Variants in SIAH3 observed in about 807,000 individuals in gnomAD.
The protein encoded by SIAH3 is seven in absentia homolog 3.
Under a neutral mutation model 12.6 loss-of-function variants are expected in SIAH3, and 9 were observed. The ratio of observed to expected loss-of-function variants is 0.72; its 90% CI spans 0.43 to 1.25. The LOEUF (loss-of-function observed/expected upper bound fraction) is 1.25. Ranked by LOEUF, SIAH3 falls within the 50% of genes most tolerant of loss-of-function variation. The probability of loss-of-function intolerance (pLI) is 0.00; values close to 1 mark genes in which losing one functional copy is unlikely to be tolerated. For synonymous variants in SIAH3, 154 were observed against 151.1 expected (o/e 1.02, Z -0.14); for missense variants, 390 against 365.4 (o/e 1.07, Z -0.55).
chr13:45,830,907 G>A (rs1009537610), intron 1 of SIAH3, among the ~76,000 whole-genome samples: 8 of 152,140 alleles, frequency 5.3e-5, no homozygotes, highest in African/African-American at 1.7e-4. Flanking sequence ...GGCAGGGCCT[G>A]GTAGCTCACA....
intron 1 of SIAH3, among the ~76,000 whole-genome samples, chr13:45,820,916 C>T (rs1188796438): frequency 1.3e-5 from 2 of 152,184 alleles, no homozygotes; most frequent in Non-Finnish European, 2.9e-5. Context: ...CCAGGAATTT[C>T]CCCACCTCCG....
chr13:45,848,191 C>A (rs1013457599), intron 1 of SIAH3, among the ~76,000 whole-genome samples: 5 of 152,220 alleles, frequency 3.3e-5, no homozygotes, highest in African/African-American at 1.2e-4. Flanking sequence ...CAGAGGGCAG[C>A]TGGCCAAGAG....
At chr13:45,809,335 T>A (rs1950608737) in intron 1 of SIAH3, among the ~76,000 whole-genome samples, 4 of 151,278 alleles carry the variant, frequency 2.6e-5, no homozygotes, top group Admixed American at 2.0e-4. Context: ...CTAGACATGT[T>A]TTTGTGTCCA....
chr13:45,830,566 A>G (rs1950695305), intron 1 of SIAH3, among the ~76,000 whole-genome samples: 1 of 152,198 alleles, frequency 6.6e-6, no homozygotes, highest in Non-Finnish European at 1.5e-5. Context: ...CATCTCAATC[A>G]AGAGGCAACT....
intron 1 of SIAH3, among the ~76,000 whole-genome samples, chr13:45,804,468 T>C (rs1950592155): frequency 6.6e-6 from 1 of 152,154 alleles, no homozygotes; most frequent in African/African-American, 2.4e-5. Context: ...TTTTGGGGTG[T>C]TGAAAACATT....
At chr13:45,826,960 G>C (rs1950680305) in intron 1 of SIAH3, among the ~76,000 whole-genome samples, 1 of 152,174 alleles carries the variant, frequency 6.6e-6, no homozygotes, top group South Asian at 2.1e-4. Context: ...CAGCGGGCTA[G>C]ATTAGTCTCT....
chr13:45,803,519 C>T (rs539546401), intron 1 of SIAH3, among the ~76,000 whole-genome samples: 5 of 152,104 alleles, frequency 3.3e-5, no homozygotes, highest in South Asian at 2.1e-4. Flanking sequence ...TGGAGGAGGT[C>T]GTAAGTGAGC....
Position 45,791,978 on chromosome 13 carries a change from T to C in SIAH3, c.136-7921A>G, listed in dbSNP as rs531818609. 2.0e-5 allele frequency among the ~76,000 whole-genome samples: 3 copies of C among 152,176 alleles called. No individual in the cohort carries two copies. In the South Asian group the frequency reaches 6.2e-4, roughly 32 times the overall value. On this transcript the variant is annotated intron_variant, in intron 1 of 1. Coordinates refer to ENST00000400405, the MANE Select transcript of SIAH3 (RefSeq NM_198849.3). Reference sequence around the variant, plus strand: ...ACTTTAACCCAATCAAAGATTACCATAGCTCCTCCAGCTGTCCCTACCCAT... The same window carrying C: ...ACTTTAACCCAATCAAAGATTACCACAGCTCCTCCAGCTGTCCCTACCCAT...
At chr13:45,851,365 C>T (rs987969269) in intron 1 of SIAH3, 130 bp downstream of exon 1, 1 of 1,255,750 alleles carries the variant, frequency 8.0e-7, no homozygotes, top group Non-Finnish European at 1.1e-6. Context: ...ACGCCGGGTT[C>T]CAGACACCGT....
At chr13:45,834,143 A>G (rs1404653045) in intron 1 of SIAH3, among the ~76,000 whole-genome samples, 1 of 152,216 alleles carries the variant, frequency 6.6e-6, no homozygotes, top group African/African-American at 2.4e-5. Context: ...CAGTCATTAC[A>G]TTCCAAACAA....
At chr13:45,844,717 C>T (rs74072072) in intron 1 of SIAH3, among the ~76,000 whole-genome samples, 3,560 of 152,128 alleles carry the variant, frequency 0.023, 139 homozygotes, top group African/African-American at 0.08. Context: ...CTGAGGAAGC[C>T]GAATATCATT....
At chr13:45,784,680 C>T (rs971361342) in intron 1 of SIAH3, among the ~76,000 whole-genome samples, 7 of 151,556 alleles carry the variant, frequency 4.6e-5, no homozygotes, top group African/African-American at 9.7e-5. Flanking sequence ...GAGACTTTGC[C>T]GCACCAGGCA....
Position 45,781,809 on chromosome 13 carries a change from T to C in SIAH3, c.*1574A>G, listed in dbSNP as rs527891003. 6.6e-6 allele frequency: 1 copy of C among 152,242 alleles called. No homozygotes were observed. Among genetic ancestry groups the C allele is most frequent in the East Asian group, 1.9e-4 (1 of 5,170 alleles). 9.4% of individuals were successfully genotyped at this position (152,242 alleles called of 1,614,324 possible). On this transcript the variant is annotated 3_prime_UTR_variant, in exon 2 of 2. Transcript: ENST00000400405. ...CAGTTATTTTTGGTGGAGAAAAAAT[T>C]GCAGATGGCCAGCCAGGGCAACCTG...
intron 1 of SIAH3, among the ~76,000 whole-genome samples, chr13:45,841,285 T>C (rs553355029): frequency 4.5e-4 from 69 of 152,326 alleles, no homozygotes; most frequent in African/African-American, 1.2e-3. Context: ...CAGTCTCTTG[T>C]AAAATCTGTG....
chr13:45,835,311 G>C (rs1427327585), intron 1 of SIAH3, among the ~76,000 whole-genome samples: 1 of 152,202 alleles, frequency 6.6e-6, no homozygotes, highest in South Asian at 2.1e-4. Flanking sequence ...GTCAAGGTTA[G>C]AGCAGCTGTA....
chr13:45,807,697 A>G (rs1205132579), intron 1 of SIAH3, among the ~76,000 whole-genome samples: 2 of 152,216 alleles, frequency 1.3e-5, no homozygotes, highest in South Asian at 2.1e-4. Flanking sequence ...CAATGACTGG[A>G]CACCAGATGG....
At chr13:45,819,963 C>T (rs537128404) in intron 1 of SIAH3, among the ~76,000 whole-genome samples, 31 of 152,296 alleles carry the variant, frequency 2.0e-4, no homozygotes, top group African/African-American at 7.2e-4. Flanking sequence ...CAGTCTGCCT[C>T]GGAGATGGTG....
intron 1 of SIAH3, among the ~76,000 whole-genome samples, chr13:45,802,315 T>A (rs566504130): frequency 5.7e-4 from 87 of 151,880 alleles, no homozygotes; most frequent in Middle Eastern, 3.4e-3. Context: ...CAACAAAAAA[T>A]AAAAGCAAGA....
At chr13:45,828,676 C>A (rs9316168) in intron 1 of SIAH3, among the ~76,000 whole-genome samples, 23,130 of 152,118 alleles carry the variant, frequency 0.15, 3,059 homozygotes, top group African/African-American at 0.36. Flanking sequence ...CACCCAGGAC[C>A]AAGCCTCTTT....
Sources: gnomAD v4.1 joint callset for allele counts (sites outside exome capture counted in the v4.1 genomes callset) on GRCh38, gnomAD v4.1.1 for gene constraint, MANE v1.5 for transcripts, NCBI Gene and HGNC (gene_info 2026-07-23, HGNC 2026-07-21) for gene names.